Variants in SLC2A12 observed in about 807,000 individuals in gnomAD.
SLC2A12 encodes solute carrier family 2 member 12.
Under a neutral mutation model 41.8 loss-of-function variants are expected in SLC2A12, and 23 were observed. The ratio of observed to expected loss-of-function variants is 0.55; its 90% CI spans 0.40 to 0.78. The LOEUF is 0.78. SLC2A12 is among the 30% of genes least tolerant of loss of function. SLC2A12 has a pLI of 0.00. For synonymous variants in SLC2A12, 295 were observed against 285.9 expected (o/e 1.03, Z -0.32); for missense variants, 654 against 745.6 (o/e 0.88, Z 1.43).
intron 1 of SLC2A12, among the ~76,000 whole-genome samples, chr6:134,046,063 T>C (rs1346744025): frequency 6.6e-6 from 1 of 152,188 alleles, no homozygotes; most frequent in Non-Finnish European, 1.5e-5. Flanking sequence ...TGACCCTAAT[T>C]ACAACTTCCA....
At chr6:133,993,182 G>A (rs1280458781) in intron 4 of SLC2A12, among the ~76,000 whole-genome samples, 3 of 152,028 alleles carry the variant, frequency 2.0e-5, no homozygotes, top group Non-Finnish European at 4.4e-5. Context: ...TCTGTTCTCT[G>A]ACCAGATAAG....
chr6:134,049,484 A>G lies in SLC2A12; in HGVS notation c.103+2894T>C, dbSNP rs556566739. Among the ~76,000 whole-genome samples the G allele has an allele frequency of 2.0e-5, 3 of 152,272 alleles. No individual in the cohort carries two copies. In the South Asian group the frequency reaches 6.2e-4, roughly 32 times the overall value. ...TCAGTTCTGCACCATCCTCTGTGTG[A>G]CCGTGGGCCGATCACACATCTTTTG... On this transcript the variant is annotated intron_variant, in intron 1 of 4. Coordinates refer to ENST00000275230, the MANE Select transcript of SLC2A12 (RefSeq NM_145176.3).
intron 2 of SLC2A12, among the ~76,000 whole-genome samples, chr6:134,022,600 G>A (rs1345283315): frequency 6.7e-6 from 1 of 149,588 alleles, no homozygotes; most frequent in Non-Finnish European, 1.5e-5. Flanking sequence ...AAAGAAAAAT[G>A]TTGCCCCAGA....
chr6:134,043,953 G>A (rs1189997353), intron 1 of SLC2A12, among the ~76,000 whole-genome samples: 1 of 152,042 alleles, frequency 6.6e-6, no homozygotes, highest in Non-Finnish European at 1.5e-5. Flanking sequence ...AGATTCCTTT[G>A]TCATCCTCTT....
intron 1 of SLC2A12, among the ~76,000 whole-genome samples, chr6:134,039,083 G>C (rs552478764): frequency 1.2e-3 from 190 of 152,238 alleles, no homozygotes; most frequent in African/African-American, 4.4e-3. Context: ...TCTGCTACTT[G>C]TTGAGTTCTT....
At chr6:134,036,956 C>T (rs758716868) in intron 1 of SLC2A12, among the ~76,000 whole-genome samples, 3 of 152,096 alleles carry the variant, frequency 2.0e-5, no homozygotes, top group Non-Finnish European at 2.9e-5. Flanking sequence ...TATTTAGCAG[C>T]CCTGTTTCAG....
intron 2 of SLC2A12, among the ~76,000 whole-genome samples, chr6:134,011,752 C>A (rs1256579313): frequency 6.6e-6 from 1 of 151,566 alleles, no homozygotes; most frequent in African/African-American, 2.4e-5. Context: ...ATAAATAAAA[C>A]AAAAATAGGC....
chr6:134,044,735 G>C (rs1015282129), intron 1 of SLC2A12, among the ~76,000 whole-genome samples: 2 of 111,026 alleles, frequency 1.8e-5, no homozygotes, highest in East Asian at 4.9e-4. Flanking sequence ...AAAAAAAAAA[G>C]AATAATGTCT....
At chr6:134,031,436 A>G (rs1777205533) in intron 1 of SLC2A12, among the ~76,000 whole-genome samples, 1 of 149,574 alleles carries the variant, frequency 6.7e-6, no homozygotes, top group Admixed American at 6.7e-5. Flanking sequence ...CAAAAAAAAC[A>G]TTACACTTGT....
chr6:134,032,616 GC>G (rs1235504028), intron 1 of SLC2A12, among the ~76,000 whole-genome samples: 1 of 146,518 alleles, frequency 6.8e-6, no homozygotes, highest in Non-Finnish European at 1.5e-5. Context: ...AAGGGACACT[GC>G]CCCAAACTAG....
intron 2 of SLC2A12, among the ~76,000 whole-genome samples, chr6:134,024,580 C>A (rs1019392810): frequency 4.6e-5 from 7 of 152,218 alleles, no homozygotes. Flanking sequence ...CTACAGATTA[C>A]CCAGGCCCTA....
At position 134,029,484 on chromosome 6, in the gene SLC2A12, G is replaced by C; in HGVS notation, c.341C>G (p.Ser114Cys). The change falls in exon 2 of 5, where the codon TCC (serine) becomes TGC (cysteine). Residue 114 changes from serine (S) to cysteine (C), a missense_variant. Coordinates refer to ENST00000275230, the MANE Select transcript of SLC2A12 (RefSeq NM_145176.3). Reference protein sequence around the residue: ...YGRRTAIILSSCLLGLGSLVL... With the variant: ...YGRRTAIILSCCLLGLGSLVL... ...TAAGCTTCCGAGTCCAAGCAGGCAG[G>C]ATGACAAGATGATTGCTGTCCTTCT... 1 of 1,614,206 alleles carries C rather than the reference G, an allele frequency of 6.2e-7. No individual in the cohort carries two copies. Among genetic ancestry groups the C allele is most frequent in the Non-Finnish European group, 8.5e-7 (1 of 1,180,046 alleles).
chr6:134,010,123 T>C (rs1776861029), intron 2 of SLC2A12, among the ~76,000 whole-genome samples: 1 of 152,230 alleles, frequency 6.6e-6, no homozygotes, highest in East Asian at 1.9e-4. Flanking sequence ...GAAACTCTTA[T>C]TCATTCATAG....
intron 4 of SLC2A12, among the ~76,000 whole-genome samples, chr6:133,992,799 G>A: frequency 6.6e-6 from 1 of 152,280 alleles, no homozygotes; most frequent in Middle Eastern, 3.4e-3. Flanking sequence ...TTGAGGAAGT[G>A]GGCTGGAGAG....
intron 4 of SLC2A12, among the ~76,000 whole-genome samples, chr6:134,001,772 G>C (rs1246308432): frequency 7.2e-6 from 1 of 138,942 alleles, no homozygotes; most frequent in East Asian, 2.1e-4. Context: ...AAAAAAAAAA[G>C]CTTCATTCAT....
At chr6:134,006,429 TA>T in intron 3 of SLC2A12, among the ~76,000 whole-genome samples, 1 of 152,274 alleles carries the variant, frequency 6.6e-6, no homozygotes, top group Non-Finnish European at 1.5e-5. Flanking sequence ...AAATCATGTA[TA>T]AAAAGCAATT....
In SLC2A12 at chr6:134,006,196, A is replaced by C. The variant is rs1046607023; in HGVS notation, c.1567+616T>G. Reference sequence around the variant, plus strand: ...TATCGGAAAAAAAAAAAAAAAACAAAAAAAAAAACAGAGAAACAGAGAGGG... The same window carrying C: ...TATCGGAAAAAAAAAAAAAAAACAACAAAAAAAACAGAGAAACAGAGAGGG... On this transcript the variant is annotated intron_variant, in intron 3 of 4. Transcript: ENST00000275230. Among the ~76,000 whole-genome samples the C allele has an allele frequency of 4.9e-3, 741 of 150,616 alleles. 9 individuals carry two copies. The highest frequency in any genetic ancestry group is 0.016 in the African/African-American group (654 of 40,810).
intron 1 of SLC2A12, among the ~76,000 whole-genome samples, chr6:134,030,082 A>T (rs13197369): frequency 0.049 from 7,490 of 152,244 alleles, 342 homozygotes; most frequent in East Asian, 0.13. Flanking sequence ...TGGATCAGAA[A>T]TTCAAAGAGC....
At chr6:134,040,510 T>C (rs1384399875) in intron 1 of SLC2A12, among the ~76,000 whole-genome samples, 1 of 152,236 alleles carries the variant, frequency 6.6e-6, no homozygotes, top group African/African-American at 2.4e-5. Flanking sequence ...TTGGGTTTGG[T>C]GTCTCCAAAG....
Sources: allele counts gnomAD v4.1 joint callset (sites outside exome capture counted in the v4.1 genomes callset), GRCh38; gene constraint gnomAD v4.1.1; transcripts MANE v1.5; gene names NCBI Gene and HGNC (gene_info 2026-07-23, HGNC 2026-07-21).